The following ATP1B1 variants were observed in gnomAD, a reference collection of about 807,000 sequenced individuals.
ATP1B1 encodes the protein sodium/potassium-transporting ATPase subunit beta-1.
In ATP1B1, 3 loss-of-function variants were observed where a neutral mutation model predicts 39.6. The ratio of observed to expected loss-of-function variants is 0.08; its 90% CI spans 0.03 to 0.20. The LOEUF is 0.20. Ranked by LOEUF, ATP1B1 falls within the 10% of genes least tolerant of loss-of-function variation. The probability of loss-of-function intolerance (pLI) is 1.00; values close to 1 mark genes in which losing one functional copy is unlikely to be tolerated. For synonymous variants in ATP1B1, 139 were observed against 135.0 expected (o/e 1.03, Z -0.20); for missense variants, 216 against 371.1 (o/e 0.58, Z 3.43).
At chr1:169,125,139 A>T (rs1315603393) in intron 3 of ATP1B1, 100 bp downstream of exon 3, 2 of 1,407,484 alleles carry the variant, frequency 1.4e-6, no homozygotes, top group Non-Finnish European at 1.9e-6. Flanking sequence ...GATAATCCTG[A>T]AATAATGAAA....
intron 1 of ATP1B1, 26 bp from the exon 2 acceptor site, chr1:169,111,344 G>A (rs778326112): frequency 6.2e-7 from 1 of 1,613,452 alleles, no homozygotes; most frequent in South Asian, 1.1e-5. Flanking sequence ...CTGCATCACA[G>A]CTTTTTGTTT....
Position 169,131,954 on chromosome 1 carries a change from C to CT in ATP1B1, c.*402dup. On this transcript the variant is annotated 3_prime_UTR_variant, in exon 6 of 6. Coordinates refer to ENST00000367815, the MANE Select transcript of ATP1B1 (RefSeq NM_001677.4). The surrounding 1 kb of genome is among the most constrained non-coding windows in gnomAD (Gnocchi z 4.4). Reference sequence around the variant, plus strand: ...CATGTTTTATTGTATCTGTTTTCTACTTTATGTGAGCAAGGTTTGCTGTCC... The same window carrying CT: ...CATGTTTTATTGTATCTGTTTTCTACTTTTATGTGAGCAAGGTTTGCTGTCC... The CT allele has an allele frequency of 3.2e-6, 1 of 316,742 alleles. No individual in the cohort carries two copies. Among genetic ancestry groups the CT allele is most frequent in the Admixed American group, 5.0e-5 (1 of 20,106 alleles). 19.6% of individuals were successfully genotyped at this position (316,742 alleles called of 1,614,324 possible).
chr1:169,125,411 C>T (rs1658066321), intron 3 of ATP1B1, among the ~76,000 whole-genome samples: 1 of 152,196 alleles, frequency 6.6e-6, no homozygotes, highest in Non-Finnish European at 1.5e-5. Context: ...ACAGGGCCTT[C>T]TCTCATCAGA....
intron 2 of ATP1B1, 130 bp downstream of exon 2, chr1:169,111,628 A>G: frequency 7.6e-7 from 1 of 1,319,554 alleles, no homozygotes. Context: ...GGGAAAAGAG[A>G]AACTTCTCTC....
chr1:169,107,486 C>T (rs892570087), intron 1 of ATP1B1, among the ~76,000 whole-genome samples: 2 of 152,136 alleles, frequency 1.3e-5, no homozygotes, highest in Admixed American at 1.3e-4. Context: ...CATGACCTCC[C>T]CTGGAGTCAT....
At chr1:169,110,703 T>C (rs1409666734) in intron 1 of ATP1B1, 3 of 1,280,240 alleles carry the variant, frequency 2.3e-6, no homozygotes, top group East Asian at 5.6e-5. Context: ...GGAATTAAAA[T>C]GTGCTGGTCA....
chr1:169,114,998 C>CA (rs1415603621), intron 2 of ATP1B1, among the ~76,000 whole-genome samples: 17 of 152,034 alleles, frequency 1.1e-4, no homozygotes, highest in African/African-American at 4.1e-4. Flanking sequence ...TTCTGGCTAA[C>CA]ACAGTGAAAC....
chr1:169,109,808 G>A (rs1476173736), intron 1 of ATP1B1, among the ~76,000 whole-genome samples: 1 of 151,972 alleles, frequency 6.6e-6, no homozygotes, highest in Non-Finnish European at 1.5e-5. Context: ...CTTGAATCAG[G>A]GCTACGATAG....
At chr1:169,121,532 T>C (rs1657980748) in intron 2 of ATP1B1, among the ~76,000 whole-genome samples, 1 of 152,158 alleles carries the variant, frequency 6.6e-6, no homozygotes, top group Non-Finnish European at 1.5e-5. Flanking sequence ...TCTCCTTTTT[T>C]TTGTGTGGGA....
chr1:169,132,111 G>T lies in ATP1B1; in HGVS notation c.*556G>T. ...TTAACATACTCCATAGTCTTTTCCTGTGGTGTTAGGTCTTTATTTTTATTT... is the reference window on the plus strand; with the variant it reads ...TTAACATACTCCATAGTCTTTTCCTTTGGTGTTAGGTCTTTATTTTTATTT... On this transcript the variant is annotated 3_prime_UTR_variant, in exon 6 of 6. Coordinates refer to ENST00000367815, the MANE Select transcript of ATP1B1 (RefSeq NM_001677.4). 1 of 463,678 alleles carries T rather than the reference G, an allele frequency of 2.2e-6. No homozygotes were observed. The highest frequency in any genetic ancestry group is 4.2e-6 in the Non-Finnish European group (1 of 238,416). The allele number at this position is 463,678 out of a possible 1,614,324, so 28.7% of individuals were successfully genotyped here.
At chr1:169,108,764 A>T (rs73033743) in intron 1 of ATP1B1, among the ~76,000 whole-genome samples, 2 of 152,170 alleles carry the variant, frequency 1.3e-5, no homozygotes, top group African/African-American at 4.8e-5. Context: ...GCAAGCTATC[A>T]GTATGCTGAT....
intron 2 of ATP1B1, among the ~76,000 whole-genome samples, chr1:169,116,270 G>A (rs1266642256): frequency 6.6e-6 from 1 of 152,222 alleles, no homozygotes; most frequent in African/African-American, 2.4e-5. Flanking sequence ...AGGTCACTGT[G>A]TGTCAATCGG....
At chr1:169,121,568 C>T (rs1308497447) in intron 2 of ATP1B1, among the ~76,000 whole-genome samples, 4 of 152,122 alleles carry the variant, frequency 2.6e-5, no homozygotes, top group Non-Finnish European at 4.4e-5. Context: ...CATCACTATT[C>T]CTCATACTCA....
At chr1:169,111,636 C>T in intron 2 of ATP1B1, 138 bp downstream of exon 2, 4 of 1,258,408 alleles carry the variant, frequency 3.2e-6, no homozygotes, top group Non-Finnish European at 4.3e-6. Context: ...AGAAACTTCT[C>T]TCGGCTGCAG....
intron 2 of ATP1B1, among the ~76,000 whole-genome samples, chr1:169,117,922 A>G (rs1340299024): frequency 1.3e-5 from 2 of 152,232 alleles, no homozygotes; most frequent in African/African-American, 4.8e-5. Context: ...TTACTTAACA[A>G]ATGTTATGTT....
At chr1:169,118,788 A>G (rs1185686733) in intron 2 of ATP1B1, among the ~76,000 whole-genome samples, 1 of 152,176 alleles carries the variant, frequency 6.6e-6, no homozygotes, top group African/African-American at 2.4e-5. Context: ...GCATGGCTAC[A>G]TTTAAAAGCA....
Position 169,132,143 on chromosome 1 carries a change from T to TG in ATP1B1, c.*593dup. 1 of 570,262 alleles carries TG rather than the reference T, an allele frequency of 1.8e-6. No individual in the cohort carries two copies. Among genetic ancestry groups the TG allele is most frequent in the South Asian group, 1.6e-5 (1 of 64,468 alleles). The allele number at this position is 570,262 out of a possible 1,614,324, so 35.3% of individuals were successfully genotyped here. On this transcript the variant is annotated 3_prime_UTR_variant, in exon 6 of 6. Transcript: ENST00000367815. ...TAGGTCTTTATTTTTATTTTTTTCC[T>TG]GGGGGCTGGGGTGGGGGTTTGTCAT...
intron 2 of ATP1B1, among the ~76,000 whole-genome samples, chr1:169,124,507 G>T (rs1014929275): frequency 6.6e-6 from 1 of 152,200 alleles, no homozygotes; most frequent in South Asian, 2.1e-4. Context: ...AACTGTGCAC[G>T]TTGGGGTACT....
At chr1:169,115,671 T>G (rs993151012) in intron 2 of ATP1B1, among the ~76,000 whole-genome samples, 6 of 152,202 alleles carry the variant, frequency 3.9e-5, no homozygotes, top group Non-Finnish European at 5.9e-5. Flanking sequence ...AGCCCTATCT[T>G]TCTACTAGAA....
Sources: allele counts gnomAD v4.1 joint callset (sites outside exome capture counted in the v4.1 genomes callset), GRCh38; gene constraint gnomAD v4.1.1; non-coding constraint Gnocchi (gnomAD v3.1); transcripts MANE v1.5; gene names NCBI Gene and HGNC (gene_info 2026-07-23, HGNC 2026-07-21).